Variants in BTF3L4 observed in about 807,000 individuals in gnomAD.
BTF3L4 encodes transcription factor BTF3 homolog 4.
BTF3L4 carries 6 observed loss-of-function variants against 16.8 expected under a neutral mutation model. The observed-to-expected ratio is 0.36, with a 90% CI of 0.20 to 0.71. The LOEUF (loss-of-function observed/expected upper bound fraction) is 0.71, where lower values mean the gene tolerates loss of function less well. BTF3L4 is among the 30% of genes least tolerant of loss of function. The probability of loss-of-function intolerance (pLI) is 0.58; values close to 1 mark genes in which losing one functional copy is unlikely to be tolerated. For synonymous variants in BTF3L4, 39 were observed against 59.8 expected, an observed-to-expected ratio of 0.65 and a Z score of 1.60; for missense variants, 92 against 186.9, an observed-to-expected ratio of 0.49 and a Z score of 2.96.
Position 52,080,753 on chromosome 1 carries a change from C to T in BTF3L4, c.169-2587C>T, listed in dbSNP as rs1212135478. On this transcript the variant is annotated intron_variant, in intron 3 of 5. Transcript: ENST00000313334. The stretch of plus-strand genomic sequence containing the variant: ...TTCACCATGCTGGCCAGACTGGTCT[C>T]GAACTCCTGATCTCAGGCAGTCCAC... 3.3e-5 allele frequency among the ~76,000 whole-genome samples: 5 copies of T among 150,856 alleles called. No homozygotes were observed. The South Asian group carries it at 6.3e-4, about 19-fold the overall frequency.
chr1:52,056,976 A>T (rs966804538), intron 1 of BTF3L4, among the ~76,000 whole-genome samples: 1 of 152,168 alleles, frequency 6.6e-6, no homozygotes, highest in Non-Finnish European at 1.5e-5. Flanking sequence ...CTTGCAGTTT[A>T]CCATAGTTGT....
At chr1:52,081,211 T>A (rs1558010178) in intron 3 of BTF3L4, among the ~76,000 whole-genome samples, 2 of 151,698 alleles carry the variant, frequency 1.3e-5, no homozygotes, top group East Asian at 3.9e-4. Context: ...GATCTCACCT[T>A]ACTGCAACCT....
chr1:52,063,658 A>G (rs1400079048), intron 2 of BTF3L4, among the ~76,000 whole-genome samples: 1 of 152,248 alleles, frequency 6.6e-6, no homozygotes, highest in African/African-American at 2.4e-5. Flanking sequence ...ATTTCAATGG[A>G]AAAATGTATT....
intron 4 of BTF3L4, among the ~76,000 whole-genome samples, chr1:52,084,957 T>C (rs1260299020): frequency 6.6e-6 from 1 of 151,300 alleles, no homozygotes; most frequent in East Asian, 1.9e-4. Flanking sequence ...TCTAGTATTG[T>C]AGTGCCCATA....
chr1:52,063,795 C>T (rs1007336370), intron 2 of BTF3L4, among the ~76,000 whole-genome samples: 11 of 152,182 alleles, frequency 7.2e-5, no homozygotes, highest in African/African-American at 2.4e-4. Flanking sequence ...TCATATCCCA[C>T]GTGTAATCCA....
chr1:52,065,396 G>A (rs954905454), intron 3 of BTF3L4: 1 of 153,028 alleles, frequency 6.5e-6, no homozygotes, highest in African/African-American at 2.4e-5. Flanking sequence ...CTCCCAAGTA[G>A]CTGGGACTAC....
In BTF3L4 at chr1:52,064,214, A is replaced by G. The variant is rs536169233; in HGVS notation, c.55-611A>G. On this transcript the variant is annotated intron_variant, in intron 2 of 5. Transcript: ENST00000313334. The stretch of plus-strand genomic sequence containing the variant: ...GCCCTAGTTATGGGTCTCAACTCAT[A>G]TGTTACCTCTTCAGAGGGGGCTTTC... Among the ~76,000 whole-genome samples the G allele has an allele frequency of 6.6e-5, 10 of 152,292 alleles. No individual in the cohort carries two copies. In the South Asian group the frequency reaches 2.1e-3, roughly 32 times the overall value.
At chr1:52,084,834 A>G (rs533185241) in intron 4 of BTF3L4, among the ~76,000 whole-genome samples, 3 of 151,710 alleles carry the variant, frequency 2.0e-5, no homozygotes, top group African/African-American at 7.3e-5. Flanking sequence ...GTTGTCAGAC[A>G]TCTATGTTTT....
chr1:52,057,481 T>C (rs1246973817), intron 1 of BTF3L4, among the ~76,000 whole-genome samples: 1 of 152,244 alleles, frequency 6.6e-6, no homozygotes, highest in African/African-American at 2.4e-5. Flanking sequence ...TTTCCTAATC[T>C]ATTAAGATGG....
chr1:52,075,599 G>A (rs1346198484), intron 3 of BTF3L4, among the ~76,000 whole-genome samples: 2 of 145,442 alleles, frequency 1.4e-5, no homozygotes, highest in Admixed American at 6.9e-5. Flanking sequence ...ATAAATTATA[G>A]TAATTATATA....
At chr1:52,083,849 G>A (rs1572033011) in intron 4 of BTF3L4, among the ~76,000 whole-genome samples, 1 of 151,802 alleles carries the variant, frequency 6.6e-6, no homozygotes. Flanking sequence ...GTGAAACCTC[G>A]TCTGTACTAA....
intron 4 of BTF3L4, among the ~76,000 whole-genome samples, chr1:52,084,838 A>G (rs956122983): frequency 2.0e-5 from 3 of 151,538 alleles, no homozygotes; most frequent in Non-Finnish European, 4.4e-5. Flanking sequence ...TCAGACATCT[A>G]TGTTTTTGTT....
At chr1:52,077,768 A>G (rs78389755) in intron 3 of BTF3L4, among the ~76,000 whole-genome samples, 1,889 of 152,270 alleles carry the variant, frequency 0.012, 36 homozygotes, top group African/African-American at 0.043. Context: ...ACCAGGTAGG[A>G]GGCTACTATG....
chr1:52,062,893 A>C (rs1475434463), intron 2 of BTF3L4, among the ~76,000 whole-genome samples: 1 of 150,968 alleles, frequency 6.6e-6, no homozygotes, highest in Non-Finnish European at 1.5e-5. Flanking sequence ...TTAGATTCTC[A>C]TGAGGAGTGC....
intron 3 of BTF3L4, among the ~76,000 whole-genome samples, chr1:52,068,809 C>T (rs1053547489): frequency 6.6e-6 from 1 of 152,130 alleles, no homozygotes; most frequent in African/African-American, 2.4e-5. Context: ...TTTCCAAGGA[C>T]ATTGCTGTTT....
intron 3 of BTF3L4, among the ~76,000 whole-genome samples, chr1:52,075,800 A>C (rs901334731): frequency 1.3e-4 from 19 of 151,684 alleles, no homozygotes; most frequent in African/African-American, 2.2e-4. Context: ...AGTAGCTGGG[A>C]TTACAGGCAG....
rs1686961314 is a variant in BTF3L4 at position 52,077,412 on chromosome 1, C to T, written c.169-5928C>T. On this transcript the variant is annotated intron_variant, in intron 3 of 5. Coordinates refer to ENST00000313334, the MANE Select transcript of BTF3L4 (RefSeq NM_152265.5). ...TAAAAATTAGCTGGGCGTGGTGTCA[C>T]ATGCCTGTAATCCCAGCTACTTGGG... Among the ~76,000 whole-genome samples, 7 of 152,218 alleles carry T rather than the reference C, an allele frequency of 4.6e-5. No homozygotes were observed. In the South Asian group the frequency reaches 1.5e-3, roughly 32 times the overall value.
intron 3 of BTF3L4, 89 bp from the exon 4 acceptor site, chr1:52,083,251 G>T: frequency 9.1e-7 from 1 of 1,095,258 alleles, no homozygotes; most frequent in East Asian, 2.5e-5. Flanking sequence ...ACCAAGTAAA[G>T]AACCATAATT....
chr1:52,073,531 T>C (rs1044828944), intron 3 of BTF3L4, among the ~76,000 whole-genome samples: 80 of 118,998 alleles, frequency 6.7e-4, no homozygotes, highest in South Asian at 8.6e-4. Flanking sequence ...CACACACACA[T>C]ATGATTACAG....
Sources: allele counts gnomAD v4.1 joint callset (sites outside exome capture counted in the v4.1 genomes callset), GRCh38; gene constraint gnomAD v4.1.1; transcripts MANE v1.5; gene names NCBI Gene and HGNC (gene_info 2026-07-23, HGNC 2026-07-21).